ZMAT3: variants seen among roughly 807,000 people sequenced by gnomAD.
ZMAT3 encodes the protein zinc finger matrin-type protein 3.
In ZMAT3, 17 loss-of-function variants were observed where a neutral mutation model predicts 32.3. The ratio of observed to expected loss-of-function variants is 0.53; its 90% confidence interval spans 0.36 to 0.79. ZMAT3 has a LOEUF of 0.79. Ranked by LOEUF, ZMAT3 falls within the 30% of genes least tolerant of loss-of-function variation. The pLI, the probability that ZMAT3 is intolerant of heterozygous loss-of-function variation, is 0.00. For synonymous variants in ZMAT3, 120 were observed against 133.1 expected, an observed-to-expected ratio of 0.90 and a Z score of 0.68; for missense variants, 329 against 359.7, an observed-to-expected ratio of 0.91 and a Z score of 0.69.
At chr3:179,028,854 G>A (rs1415480167) in intron 3 of ZMAT3, among the ~76,000 whole-genome samples, 1 of 152,096 alleles carries the variant, frequency 6.6e-6, no homozygotes, top group Non-Finnish European at 1.5e-5. Context: ...AAAAGCAAAG[G>A]TCTAAGATCA....
At chr3:179,061,534 G>C (rs1216475603) in intron 2 of ZMAT3, among the ~76,000 whole-genome samples, 1 of 151,798 alleles carries the variant, frequency 6.6e-6, no homozygotes, top group Non-Finnish European at 1.5e-5. Context: ...TATAAAGAAA[G>C]ATTGAGATGC....
intron 2 of ZMAT3, among the ~76,000 whole-genome samples, chr3:179,056,563 G>T (rs1200895434): frequency 2.6e-5 from 4 of 152,198 alleles, no homozygotes; most frequent in African/African-American, 7.2e-5. Context: ...GATACTCTGA[G>T]TCAGAAGCCA....
chr3:179,060,857 AC>A (rs1392128014), intron 2 of ZMAT3, among the ~76,000 whole-genome samples: 1 of 152,158 alleles, frequency 6.6e-6, no homozygotes, highest in African/African-American at 2.4e-5. Flanking sequence ...AAAACAGGTC[AC>A]CAAAAAAAGA....
At chr3:179,035,440 CT>C (rs1459433478) in intron 2 of ZMAT3, among the ~76,000 whole-genome samples, 1 of 152,106 alleles carries the variant, frequency 6.6e-6, no homozygotes, top group East Asian at 1.9e-4. Context: ...TGGATTGCTC[CT>C]TCTAATCTTT....
chr3:179,037,210 G>A (rs76472892), intron 2 of ZMAT3, among the ~76,000 whole-genome samples: 6 of 152,228 alleles, frequency 3.9e-5, no homozygotes, highest in Non-Finnish European at 5.9e-5. Context: ...ACTGAGCTGC[G>A]GGTGGTGGGA....
intron 2 of ZMAT3, among the ~76,000 whole-genome samples, chr3:179,044,617 C>T (rs944413199): frequency 2.6e-5 from 4 of 152,082 alleles, no homozygotes; most frequent in African/African-American, 9.7e-5. Flanking sequence ...ACACTCCCGC[C>T]TGGACGACAG....
At chr3:179,059,910 A>C (rs1016778206) in intron 2 of ZMAT3, among the ~76,000 whole-genome samples, 1 of 152,190 alleles carries the variant, frequency 6.6e-6, no homozygotes, top group African/African-American at 2.4e-5. Flanking sequence ...TCCACCTTTA[A>C]ACACAGGGCT....
In ZMAT3 at chr3:179,019,949, C is replaced by G. The variant is rs1718461231; in HGVS notation, c.*5068G>C. The G allele has an allele frequency of 6.6e-6, 1 of 152,064 alleles. No homozygotes were observed. Among genetic ancestry groups the G allele is most frequent in the Non-Finnish European group, 1.5e-5 (1 of 68,000 alleles). 9.4% of individuals were successfully genotyped at this position (152,064 alleles called of 1,614,324 possible). On this transcript the variant is annotated 3_prime_UTR_variant, in exon 6 of 6. Transcript: ENST00000311417. ...CACTAAGTACAAACGCAACACAGAT[C>G]AAGGTGAAAAATGATCTCTGACTTC...
chr3:179,046,903 T>C lies in ZMAT3; in HGVS notation c.271-15904A>G, dbSNP rs997486978. On this transcript the variant is annotated intron_variant, in intron 2 of 5. Coordinates refer to ENST00000311417, the MANE Select transcript of ZMAT3 (RefSeq NM_022470.4). This position sits in a 1 kb window ranked among gnomAD's most constrained non-coding sequence, Gnocchi z 4.3. ...CATGCCTAACCCTGCCCCAACCCGA[T>C]GGTCTTCTCTACCCACACTGGTGGC... Among the ~76,000 whole-genome samples, 4 of 152,152 alleles carry C rather than the reference T, an allele frequency of 2.6e-5. No homozygotes were observed. The highest frequency in any genetic ancestry group is 4.1e-4 in the South Asian group (2 of 4,832).
chr3:179,024,751 G>A lies in ZMAT3; in HGVS notation c.*266C>T, dbSNP rs992929888. The A allele has an allele frequency of 1.6e-4, 61 of 388,054 alleles. No homozygotes were observed. The highest frequency in any genetic ancestry group is 3.8e-5 in the Non-Finnish European group (8 of 210,388). 24.0% of individuals were successfully genotyped at this position (388,054 alleles called of 1,614,324 possible). A position where few individuals can be genotyped will look rare whatever the true frequency, so the allele number is the denominator to read the frequency against. Reference sequence around the variant, plus strand: ...GCAAGATAAAAAGTTATTTCTGATGGGGTAGGTAGGTCACATGCTATGAGC... The same window carrying A: ...GCAAGATAAAAAGTTATTTCTGATGAGGTAGGTAGGTCACATGCTATGAGC... On this transcript the variant is annotated 3_prime_UTR_variant, in exon 6 of 6. Coordinates refer to ENST00000311417, the MANE Select transcript of ZMAT3 (RefSeq NM_022470.4).
In ZMAT3 at chr3:179,036,456, A is replaced by G. The variant is rs77967547; in HGVS notation, c.271-5457T>C. 2.2e-3 allele frequency among the ~76,000 whole-genome samples: 339 copies of G among 152,304 alleles called. 1 individual carries two copies. The highest frequency in any genetic ancestry group is 7.4e-3 in the African/African-American group (309 of 41,562). ...TATCACCTAGACAGAGTGGAGACAG[A>G]TAACAGCTTGCAAAATGGGCCTCAA... On this transcript the variant is annotated intron_variant, in intron 2 of 5. Transcript: ENST00000311417.
At position 179,017,258 on chromosome 3, in the gene ZMAT3, TG is replaced by T. The variant is rs1465609841; in HGVS notation, c.*7758del. ...AGACTCAGAAACCGTTTTATTAAAC[TG>T]GAACACAAAATGCGTGTTATAATAA... is the stretch of plus-strand genomic sequence containing the variant. On this transcript the variant is annotated 3_prime_UTR_variant, in exon 6 of 6. Transcript: ENST00000311417. The T allele has an allele frequency of 6.6e-6, 1 of 152,152 alleles. No homozygotes were observed. The highest frequency in any genetic ancestry group is 1.5e-5 in the Non-Finnish European group (1 of 68,020). 9.4% of individuals were successfully genotyped at this position (152,152 alleles called of 1,614,324 possible).
intron 2 of ZMAT3, among the ~76,000 whole-genome samples, chr3:179,060,337 T>C (rs1018287833): frequency 6.6e-6 from 1 of 151,746 alleles, no homozygotes; most frequent in Non-Finnish European, 1.5e-5. Flanking sequence ...CTAACAGGAT[T>C]CCTAGAAGGA....
At chr3:179,062,491 C>T (rs920154605) in intron 2 of ZMAT3, among the ~76,000 whole-genome samples, 5 of 151,944 alleles carry the variant, frequency 3.3e-5, no homozygotes, top group African/African-American at 7.3e-5. Context: ...TCTATCATTT[C>T]GAAATAAGAA....
rs371485386 is a variant in ZMAT3 at position 179,027,498 on chromosome 3, G to A, written c.583C>T (p.Arg195Trp). ...AACTCATTCCCTTCTTTCCTGGCCC[G>A]CCGTTGACCCAGCTCTGAGGATTCC... ...FSESSELGQR[R>W]ARKEGNEFKM... Residue 195 changes from arginine to tryptophan, a missense_variant, in exon 5 of 6, where the codon CGG becomes TGG. By Grantham distance (101) the Arg-to-Trp change is moderately radical. Transcript: ENST00000311417. The A allele has an allele frequency of 1.5e-5, 25 of 1,613,990 alleles. No individual in the cohort carries two copies. In the African/African-American group the frequency reaches 1.7e-4, roughly 11 times the overall value.
intron 2 of ZMAT3, among the ~76,000 whole-genome samples, chr3:179,065,861 G>A (rs150833319): frequency 0.015 from 2,321 of 152,094 alleles, 68 homozygotes; most frequent in African/African-American, 0.053. Flanking sequence ...AGCCAAGATC[G>A]CGCCACTGCA....
At position 179,020,499 on chromosome 3, in the gene ZMAT3, T is replaced by C. The variant is rs1046647106; in HGVS notation, c.*4518A>G. 2.0e-5 allele frequency: 3 copies of C among 152,194 alleles called. No individual in the cohort carries two copies. The highest frequency in any genetic ancestry group is 7.2e-5 in the African/African-American group (3 of 41,452). 9.4% of individuals were successfully genotyped at this position (152,194 alleles called of 1,614,324 possible). A position where few individuals can be genotyped will look rare whatever the true frequency, so the allele number is the denominator to read the frequency against. ...TGAAACTCCTGTACAATGATTTGGCTAGAAGAAAAAAATAGTTGGTAAGGT... is the reference window on the plus strand; with the variant it reads ...TGAAACTCCTGTACAATGATTTGGCCAGAAGAAAAAAATAGTTGGTAAGGT... On this transcript the variant is annotated 3_prime_UTR_variant, in exon 6 of 6. Coordinates refer to ENST00000311417, the MANE Select transcript of ZMAT3 (RefSeq NM_022470.4).
At chr3:179,070,016 T>TA (rs1293272043) in intron 1 of ZMAT3, among the ~76,000 whole-genome samples, 1 of 151,900 alleles carries the variant, frequency 6.6e-6, no homozygotes, top group Non-Finnish European at 1.5e-5. Flanking sequence ...GAACAGCTTT[T>TA]AAAAAGTTTA....
chr3:179,067,048 G>A (rs1259125922), intron 2 of ZMAT3, among the ~76,000 whole-genome samples: 1 of 152,192 alleles, frequency 6.6e-6, no homozygotes, highest in African/African-American at 2.4e-5. Context: ...AGGTCACCTC[G>A]AAATGATGCA....
Sources: gnomAD v4.1 joint callset for allele counts (sites outside exome capture counted in the v4.1 genomes callset) on GRCh38, gnomAD v4.1.1 for gene constraint, Gnocchi (gnomAD v3.1) non-coding constraint, MANE v1.5 for transcripts, NCBI Gene and HGNC (gene_info 2026-07-23, HGNC 2026-07-21) for gene names.